The following HSP90B1 variants were observed in gnomAD, a reference collection of about 807,000 sequenced individuals.
HSP90B1 encodes endoplasmin.
In HSP90B1, 27 loss-of-function variants were observed where a neutral mutation model predicts 100.4. The ratio of observed to expected loss-of-function variants is 0.27; its 90% CI spans 0.20 to 0.37. The LOEUF is 0.37. Among genes scored for constraint, HSP90B1 ranks in the 10% least tolerant of loss-of-function variants. The pLI is 1.00. For synonymous variants in HSP90B1, 304 were observed against 330.8 expected (o/e 0.92, Z 0.88); for missense variants, 678 against 960.5 (o/e 0.71, Z 3.89).
intron 4 of HSP90B1, among the ~76,000 whole-genome samples, chr12:103,933,209 A>G (rs920405363): frequency 1.3e-5 from 2 of 152,256 alleles, no homozygotes; most frequent in East Asian, 1.9e-4. Context: ...AACAGAGAAC[A>G]TAAATCTCCC....
chr12:103,943,765 C>T lies in HSP90B1; in HGVS notation c.1918C>T (p.Leu640=). The T allele has an allele frequency of 6.2e-7, 1 of 1,614,014 alleles. No individual in the cohort carries two copies. Among genetic ancestry groups the T allele is most frequent in the Non-Finnish European group, 8.5e-7 (1 of 1,179,984 alleles). ...KIEKAVVSQR[L]TESPCALVAS... ...TGAAAAGGCTGTGGTGTCTCAGCGC[C>T]TGACAGAATCTCCGTGTGCTTTGGT... The change falls in exon 14 of 18, where the codon CTG becomes TTG. Residue 640 remains leucine (L), a synonymous_variant. Coordinates refer to ENST00000299767, the MANE Select transcript of HSP90B1 (RefSeq NM_003299.3). This position sits in a 1 kb window ranked among gnomAD's most constrained non-coding sequence, Gnocchi z 5.3.
At chr12:103,937,059 G>A (rs766258961) in intron 5 of HSP90B1, among the ~76,000 whole-genome samples, 28 of 152,132 alleles carry the variant, frequency 1.8e-4, no homozygotes, top group South Asian at 6.2e-4. Context: ...TGTAATCCCC[G>A]CACTGCCCGG....
In HSP90B1 at chr12:103,947,909, T is replaced by TA. The variant is rs1330719757; in HGVS notation, c.*253dup. 6.0e-6 allele frequency: 3 copies of TA among 497,734 alleles called. No homozygotes were observed. The East Asian group carries it at 1.1e-4, about 18-fold the overall frequency. The allele number at this position is 497,734 out of a possible 1,614,324, so 30.8% of individuals were successfully genotyped here. A position where few individuals can be genotyped will look rare whatever the true frequency, so the allele number is the denominator to read the frequency against. On this transcript the variant is annotated 3_prime_UTR_variant, in exon 18 of 18. Coordinates refer to ENST00000299767, the MANE Select transcript of HSP90B1 (RefSeq NM_003299.3). ...TAAAATCTTGTCATGTGTATAAAAA[T>TA]AAAAAAGATCCCAAATACTCAGTGT... is the stretch of plus-strand genomic sequence containing the variant.
chr12:103,933,205 G>A (rs973614419), intron 4 of HSP90B1, among the ~76,000 whole-genome samples: 3 of 152,230 alleles, frequency 2.0e-5, no homozygotes, highest in African/African-American at 7.2e-5. Context: ...TTTTAACAGA[G>A]AACATAAATC....
intron 14 of HSP90B1, among the ~76,000 whole-genome samples, chr12:103,945,544 C>T (rs914998707): frequency 6.6e-5 from 10 of 152,084 alleles, no homozygotes; most frequent in African/African-American, 2.2e-4. Context: ...GCGAAGGCAT[C>T]GTGGAGAAGG....
intron 11 of HSP90B1, 95 bp downstream of exon 11, chr12:103,941,992 G>A (rs1870094823): frequency 1.1e-6 from 1 of 878,400 alleles, no homozygotes. Flanking sequence ...TTTTGGGTCT[G>A]GTCCATGATT....
At position 103,930,708 on chromosome 12, in the gene HSP90B1, G is replaced by A. The variant is rs1409171180; in HGVS notation, c.49+144G>A. On this transcript the variant is annotated intron_variant, in intron 1 of 17. Transcript: ENST00000299767. This position sits in a 1 kb window ranked among gnomAD's most constrained non-coding sequence, Gnocchi z 4.4. ...TCACCATTCCTCGAAAGAGGGCAAG[G>A]GAATTACGTTTATTCTCTTCTTCCT... 6.0e-6 allele frequency: 4 copies of A among 669,862 alleles called. No homozygotes were observed. Among genetic ancestry groups the A allele is most frequent in the Non-Finnish European group, 1.0e-5 (4 of 397,922 alleles). The allele number at this position is 669,862 out of a possible 1,614,324, so 41.5% of individuals were successfully genotyped here.
chr12:103,943,951 A>G lies in HSP90B1; in HGVS notation c.2027+77A>G. 7.2e-7 allele frequency: 1 copy of G among 1,394,274 alleles called. No individual in the cohort carries two copies. The highest frequency in any genetic ancestry group is 9.7e-7 in the Non-Finnish European group (1 of 1,033,744). 86.4% of individuals were successfully genotyped at this position (1,394,274 alleles called of 1,614,324 possible). ...TTGTTTTGGAGATAATACCAGCTTC[A>G]ATACAAAGAGTAAAATTGCCTTAAA... On this transcript the variant is annotated intron_variant, in intron 14 of 17. Coordinates refer to ENST00000299767, the MANE Select transcript of HSP90B1 (RefSeq NM_003299.3). The surrounding 1 kb of genome is among the most constrained non-coding windows in gnomAD (Gnocchi z 5.3).
chr12:103,939,584 G>A lies in HSP90B1; in HGVS notation c.1051G>A (p.Glu351Lys). Residue 351 changes from glutamate to lysine, a missense_variant, in exon 8 of 18, where the codon GAA (glutamate) becomes AAA (lysine). Coordinates refer to ENST00000299767, the MANE Select transcript of HSP90B1 (RefSeq NM_003299.3). ...ATGGCAGAGACCATCAAAAGAAGTA[G>A]AAGAAGATGAATACAAAGCTTTCTA... The part of the protein sequence containing the change: ...PIWQRPSKEV[E>K]EDEYKAFYKS... 1 of 1,577,162 alleles carries A rather than the reference G, an allele frequency of 6.3e-7. No individual in the cohort carries two copies. The highest frequency in any genetic ancestry group is 8.6e-7 in the Non-Finnish European group (1 of 1,157,872).
At chr12:103,934,733 C>T (rs1414630466) in intron 5 of HSP90B1, among the ~76,000 whole-genome samples, 1 of 152,224 alleles carries the variant, frequency 6.6e-6, no homozygotes, top group Non-Finnish European at 1.5e-5. Context: ...CGGAGTCTCA[C>T]TCTTGTTGCC....
rs530416839 is a variant in HSP90B1 at position 103,943,939 on chromosome 12, A to G, written c.2027+65A>G. On this transcript the variant is annotated intron_variant, in intron 14 of 17. Transcript: ENST00000299767. The surrounding 1 kb of genome is among the most constrained non-coding windows in gnomAD (Gnocchi z 5.3). ...CTTACCCAATCTTTGTTTTGGAGAT[A>G]ATACCAGCTTCAATACAAAGAGTAA... 2.0e-6 allele frequency: 3 copies of G among 1,478,542 alleles called. No homozygotes were observed. Among genetic ancestry groups the G allele is most frequent in the Admixed American group, 2.1e-5 (1 of 46,902 alleles). The allele number at this position is 1,478,542 out of a possible 1,614,324, so 91.6% of individuals were successfully genotyped here.
intron 3 of HSP90B1, 49 bp downstream of exon 3, chr12:103,932,467 T>C (rs765003226): frequency 2.8e-5 from 42 of 1,518,970 alleles, no homozygotes; most frequent in Non-Finnish European, 3.5e-5. Flanking sequence ...GTGGCATACT[T>C]GTTTACTTAA....
intron 16 of HSP90B1, 47 bp downstream of exon 16, chr12:103,946,988 T>A: frequency 1.3e-6 from 2 of 1,576,888 alleles, no homozygotes; most frequent in South Asian, 1.2e-5. Context: ...CTTTCTTTGT[T>A]TCTGTTCTTT....
chr12:103,946,783 C>T lies in HSP90B1; in HGVS notation c.2107-3C>T, dbSNP rs1471549668. 2 of 1,613,756 alleles carry T rather than the reference C, an allele frequency of 1.2e-6. No homozygotes were observed. The highest frequency in any genetic ancestry group is 2.7e-5 in the African/African-American group (2 of 74,998). On this transcript the variant is annotated splice_polypyrimidine_tract_variant and splice_region_variant and intron_variant, in intron 15 of 17. Coordinates refer to ENST00000299767, the MANE Select transcript of HSP90B1 (RefSeq NM_003299.3). ...TAATCTAGTGCATCTTCTTGCATTT[C>T]AGGAAGATGAAGATGATAAAACAGT...
chr12:103,941,114 A>G (rs1051270514), intron 8 of HSP90B1, among the ~76,000 whole-genome samples: 1 of 152,166 alleles, frequency 6.6e-6, no homozygotes, highest in Non-Finnish European at 1.5e-5. Context: ...TCTCATACGT[A>G]AGAAGTATAA....
At position 103,941,913 on chromosome 12, in the gene HSP90B1, A is replaced by T; in HGVS notation, c.1374+16A>T. 1 of 1,604,578 alleles carries T rather than the reference A, an allele frequency of 6.2e-7. No homozygotes were observed. The highest frequency in any genetic ancestry group is 8.5e-7 in the Non-Finnish European group (1 of 1,171,548). On this transcript the variant is annotated intron_variant, in intron 11 of 17. Coordinates refer to ENST00000299767, the MANE Select transcript of HSP90B1 (RefSeq NM_003299.3). ...ACTGCTTAAGGTAAGTGTCTCTGGG[A>T]AGAAACTCTCCACTTTGCTGTTTGA...
In HSP90B1 at chr12:103,942,895, C is replaced by T; in HGVS notation, c.1644+99C>T. ...AGAAAAGGAAAACTTAATTGTGTAACTGGAGTAGTTATAAGGCCTGGTCAG... is the reference window on the plus strand; with the variant it reads ...AGAAAAGGAAAACTTAATTGTGTAATTGGAGTAGTTATAAGGCCTGGTCAG... On this transcript the variant is annotated intron_variant, in intron 12 of 17. Coordinates refer to ENST00000299767, the MANE Select transcript of HSP90B1 (RefSeq NM_003299.3). 4 of 1,473,050 alleles carry T rather than the reference C, an allele frequency of 2.7e-6. No individual in the cohort carries two copies. In the Middle Eastern group the frequency reaches 5.4e-4, roughly 198 times the overall value. The allele number at this position is 1,473,050 out of a possible 1,614,324, so 91.2% of individuals were successfully genotyped here. A position where few individuals can be genotyped will look rare whatever the true frequency, so the allele number is the denominator to read the frequency against.
intron 6 of HSP90B1, 55 bp downstream of exon 6, chr12:103,937,861 AT>A (rs1869961038): frequency 1.1e-6 from 1 of 911,552 alleles, no homozygotes; most frequent in East Asian, 2.6e-5. Context: ...GTATTTAAAT[AT>A]TCAACACTAA....
chr12:103,942,680 C>A lies in HSP90B1; in HGVS notation c.1528C>A (p.Leu510Ile). 1 of 1,613,944 alleles carries A rather than the reference C, an allele frequency of 6.2e-7. No homozygotes were observed. Among genetic ancestry groups the A allele is most frequent in the Non-Finnish European group, 8.5e-7 (1 of 1,179,846 alleles). ...GAATCGAACACGTCTTGCTAAACTT[C>A]TTAGGTTCCAGTCTTCTCATCATCC... ...HSNRTRLAKL[L>I]RFQSSHHPTD... Residue 510 changes from leucine (L) to isoleucine (I), a missense_variant, in exon 12 of 18, where the codon CTT (leucine) becomes ATT (isoleucine). Leu to Ile is a conservative substitution (Grantham distance 5). This residue lies in a region of HSP90B1 where 170 missense variants were observed against 236.7 expected (regional missense o/e 0.72). Transcript: ENST00000299767.
Sources: allele counts gnomAD v4.1 joint callset (sites outside exome capture counted in the v4.1 genomes callset), GRCh38; gene constraint gnomAD v4.1.1; regional missense constraint gnomAD v4.1.1; non-coding constraint Gnocchi (gnomAD v3.1); transcripts MANE v1.5; gene names NCBI Gene and HGNC (gene_info 2026-07-23, HGNC 2026-07-21).